KIF26B: variants seen among roughly 807,000 people sequenced by gnomAD.
KIF26B encodes kinesin family member 26B.
KIF26B carries 63 observed loss-of-function variants against 151.2 expected under a neutral mutation model. That is an observed-to-expected ratio of 0.42 (90% CI 0.34 to 0.51). KIF26B has a LOEUF of 0.51. Among genes scored for constraint, KIF26B ranks in the 20% least tolerant of loss-of-function variants. The pLI, the probability that KIF26B is intolerant of heterozygous loss-of-function variation, is 0.07. For missense variants in KIF26B, 2,813 were observed against 2,913.6 expected, an observed-to-expected ratio of 0.97 and a Z score of 0.79; for synonymous variants, 1,357 against 1,262.1, an observed-to-expected ratio of 1.08 and a Z score of -1.59.
chr1:245,395,167 A>C (rs1159028384), intron 3 of KIF26B, among the ~76,000 whole-genome samples: 1 of 152,196 alleles, frequency 6.6e-6, no homozygotes, highest in African/African-American at 2.4e-5. Flanking sequence ...ATCATAATGT[A>C]ATACTAGGTT....
intron 4 of KIF26B, among the ~76,000 whole-genome samples, chr1:245,511,452 T>C (rs970944026): frequency 3.3e-5 from 5 of 152,196 alleles, no homozygotes; most frequent in African/African-American, 1.2e-4. Flanking sequence ...TTATTCAGAG[T>C]TGCTAAAATA....
intron 4 of KIF26B, among the ~76,000 whole-genome samples, chr1:245,450,109 C>T (rs1490112907): frequency 6.6e-6 from 1 of 152,006 alleles, no homozygotes; most frequent in African/African-American, 2.4e-5. Flanking sequence ...AATGTGGTAC[C>T]CGTGGTGAGT....
At chr1:245,683,837 T>G (rs1028493699) in intron 10 of KIF26B, among the ~76,000 whole-genome samples, 1 of 152,160 alleles carries the variant, frequency 6.6e-6, no homozygotes, top group African/African-American at 2.4e-5. Flanking sequence ...TGTCTGTGTG[T>G]GGAAACCCTG....
At chr1:245,209,785 A>G (rs565182309) in intron 2 of KIF26B, among the ~76,000 whole-genome samples, 8 of 152,354 alleles carry the variant, frequency 5.3e-5, no homozygotes, top group African/African-American at 1.9e-4. Context: ...AGGGAAATGC[A>G]GATTGGAAAC....
At chr1:245,178,103 T>A (rs1166248531) in intron 2 of KIF26B, among the ~76,000 whole-genome samples, 1 of 152,156 alleles carries the variant, frequency 6.6e-6, no homozygotes, top group Non-Finnish European at 1.5e-5. Flanking sequence ...ATCACAGAGG[T>A]CACATCTGAC....
chr1:245,222,815 A>G lies in KIF26B; in HGVS notation c.465+66132A>G, dbSNP rs78455610. 9.3e-3 allele frequency among the ~76,000 whole-genome samples: 1,420 copies of G among 152,356 alleles called. 24 individuals are homozygous for G. Among genetic ancestry groups the G allele is most frequent in the African/African-American group, 0.032 (1,347 of 41,584 alleles). On this transcript the variant is annotated intron_variant, in intron 2 of 14. Coordinates refer to ENST00000407071, the MANE Select transcript of KIF26B (RefSeq NM_018012.4). ...ATCCTATGGCTAAACTTTACAATAT[A>G]ATATTAAGTGCAAAAAACGTTACTT...
chr1:245,199,648 C>T (rs1301824320), intron 2 of KIF26B, among the ~76,000 whole-genome samples: 1 of 151,988 alleles, frequency 6.6e-6, no homozygotes, highest in Admixed American at 6.6e-5. Flanking sequence ...CCGGCCAATT[C>T]CTTTGGTATG....
At chr1:245,652,805 G>T (rs906782281) in intron 10 of KIF26B, among the ~76,000 whole-genome samples, 2 of 152,060 alleles carry the variant, frequency 1.3e-5, no homozygotes, top group African/African-American at 2.4e-5. Flanking sequence ...AGAATATCAG[G>T]CCCCAGCTCT....
At chr1:245,382,001 T>A (rs572411541) in intron 3 of KIF26B, among the ~76,000 whole-genome samples, 2 of 152,366 alleles carry the variant, frequency 1.3e-5, no homozygotes, top group South Asian at 4.1e-4. Flanking sequence ...TTCCATCTCT[T>A]GGTTCTTGTG....
chr1:245,529,959 G>T (rs1201550805), intron 4 of KIF26B, among the ~76,000 whole-genome samples: 1 of 151,966 alleles, frequency 6.6e-6, no homozygotes, highest in Admixed American at 6.6e-5. Context: ...TATATAAGGA[G>T]CTCAAACAAC....
chr1:245,308,224 TGGGAGAG>T (rs996057665), intron 2 of KIF26B, among the ~76,000 whole-genome samples: 4 of 152,154 alleles, frequency 2.6e-5, no homozygotes, highest in African/African-American at 9.7e-5. Flanking sequence ...CCTGGAATTC[TGGGAGAG>T]GGAGAGGCAT....
intron 4 of KIF26B, among the ~76,000 whole-genome samples, chr1:245,431,413 C>A (rs576678830): frequency 6.9e-6 from 1 of 145,692 alleles, no homozygotes; most frequent in Non-Finnish European, 1.5e-5. Context: ...GGTGCGATCT[C>A]GGCTCACTGC....
At position 245,563,403 on chromosome 1, in the gene KIF26B, T is replaced by G. The variant is rs1419734657; in HGVS notation, c.1350+22453T>G. On this transcript the variant is annotated intron_variant, in intron 5 of 14. Transcript: ENST00000407071. The surrounding 1 kb of genome is among the most constrained non-coding windows in gnomAD (Gnocchi z 4.6). The stretch of plus-strand genomic sequence containing the variant: ...TGGGTTCTATCTTCTCAAGGATCAC[T>G]GGTCTTTCGCATATACCCTCTTGCT... Among the ~76,000 whole-genome samples, 1 of 152,254 alleles carries G rather than the reference T, an allele frequency of 6.6e-6. No individual in the cohort carries two copies. The highest frequency in any genetic ancestry group is 1.5e-5 in the Non-Finnish European group (1 of 68,048).
Position 245,667,953 on chromosome 1 carries a change from T to A in KIF26B, c.2259-16280T>A, listed in dbSNP as rs540424450. 1.3e-5 allele frequency among the ~76,000 whole-genome samples: 2 copies of A among 152,318 alleles called. No homozygotes were observed. The highest frequency in any genetic ancestry group is 4.1e-4 in the South Asian group (2 of 4,822). On this transcript the variant is annotated intron_variant, in intron 10 of 14. Transcript: ENST00000407071. This position sits in a 1 kb window ranked among gnomAD's most constrained non-coding sequence, Gnocchi z 4.3. ...TCACCCAGGCTGGAGTGCAGTGCAG[T>A]GGCGCAATCTCAGCTCACTGCAACT...
chr1:245,702,178 C>A lies in KIF26B; in HGVS notation c.6179-280C>A, dbSNP rs1352304353. On this transcript the variant is annotated intron_variant, in intron 14 of 14. Coordinates refer to ENST00000407071, the MANE Select transcript of KIF26B (RefSeq NM_018012.4). The surrounding 1 kb of genome is among the most constrained non-coding windows in gnomAD (Gnocchi z 4.1). ...TCAAATCCTGGGATCCATCCTGGAT[C>A]CTCCATGGCTGGAGGTAGGGGGAGC... Among the ~76,000 whole-genome samples the A allele has an allele frequency of 6.6e-6, 1 of 152,148 alleles. No homozygotes were observed. Among genetic ancestry groups the A allele is most frequent in the Admixed American group, 6.5e-5 (1 of 15,288 alleles).
intron 4 of KIF26B, among the ~76,000 whole-genome samples, chr1:245,481,152 G>A (rs1259491468): frequency 6.6e-6 from 1 of 151,846 alleles, no homozygotes; most frequent in Non-Finnish European, 1.5e-5. Flanking sequence ...TTAGAAAGAA[G>A]CATCTGCTTC....
In KIF26B at chr1:245,706,188, C is replaced by T. The variant is rs974229528; in HGVS notation, c.*3582C>T. 10 of 152,236 alleles carry T rather than the reference C, an allele frequency of 6.6e-5. No homozygotes were observed. The highest frequency in any genetic ancestry group is 2.2e-4 in the African/African-American group (9 of 41,464). The allele number at this position is 152,236 out of a possible 1,614,324, so 9.4% of individuals were successfully genotyped here. Reference sequence around the variant, plus strand: ...GGTAGTGACTTCAGTCCAGCCGCATCTACCATCCAGGGTGGAGGTTCAAAA... The same window carrying T: ...GGTAGTGACTTCAGTCCAGCCGCATTTACCATCCAGGGTGGAGGTTCAAAA... On this transcript the variant is annotated 3_prime_UTR_variant, in exon 15 of 15. Coordinates refer to ENST00000407071, the MANE Select transcript of KIF26B (RefSeq NM_018012.4).
At chr1:245,559,660 C>T (rs764216181) in intron 5 of KIF26B, among the ~76,000 whole-genome samples, 7 of 152,226 alleles carry the variant, frequency 4.6e-5, no homozygotes, top group Non-Finnish European at 7.3e-5. Context: ...GATCCACCCA[C>T]CTTGGCCTTC....
intron 10 of KIF26B, among the ~76,000 whole-genome samples, chr1:245,653,682 G>C (rs12735597): frequency 6.6e-6 from 1 of 151,970 alleles, no homozygotes; most frequent in East Asian, 1.9e-4. Flanking sequence ...TATTGTGCTC[G>C]GTCAACATTT....
Sources: gnomAD v4.1 joint callset for allele counts (sites outside exome capture counted in the v4.1 genomes callset) on GRCh38, gnomAD v4.1.1 for gene constraint, Gnocchi (gnomAD v3.1) non-coding constraint, MANE v1.5 for transcripts, NCBI Gene and HGNC (gene_info 2026-07-23, HGNC 2026-07-21) for gene names.